Variants in FAM81A observed in about 807,000 individuals in gnomAD.
FAM81A encodes the protein family with sequence similarity 81 member A.
FAM81A carries 19 observed loss-of-function variants against 46.7 expected under a neutral mutation model. The observed-to-expected ratio is 0.41, with a 90% CI of 0.28 to 0.60. The LOEUF (loss-of-function observed/expected upper bound fraction) is 0.60, where lower values mean the gene tolerates loss of function less well. FAM81A is among the 20% of genes least tolerant of loss of function. FAM81A has a pLI of 0.34. For missense variants in FAM81A, 377 were observed against 453.5 expected, an observed-to-expected ratio of 0.83 and a Z score of 1.53; for synonymous variants, 183 against 152.9, an observed-to-expected ratio of 1.20 and a Z score of -1.45.
In FAM81A at chr15:59,407,218, C is replaced by A; in HGVS notation, c.-78+4860C>A. 4 of 153,450 alleles carry A rather than the reference C, an allele frequency of 2.6e-5. No individual in the cohort carries two copies. In the South Asian group the frequency reaches 5.6e-4, roughly 21 times the overall value. The allele number at this position is 153,450 out of a possible 1,614,324, so 9.5% of individuals were successfully genotyped here. On this transcript the variant is annotated intron_variant, in intron 2 of 4. Coordinates refer to the FAM81A transcript ENST00000558348. ...CTTACCTTCCCCTTGATAATGCAGT[C>A]AGTGACCTTTATTTTACAACACAGA...
chr15:59,430,794 T>C (rs1286119343), intron 2 of FAM81A, among the ~76,000 whole-genome samples: 2 of 152,182 alleles, frequency 1.3e-5, no homozygotes, highest in African/African-American at 4.8e-5. Context: ...AGAGATGGTT[T>C]GAGTGTGGCT....
chr15:59,514,360 A>G lies in FAM81A; in HGVS notation c.722A>G (p.Glu241Gly), dbSNP rs2082245249. 1 of 1,613,886 alleles carries G rather than the reference A, an allele frequency of 6.2e-7. No homozygotes were observed. The highest frequency in any genetic ancestry group is 8.5e-7 in the Non-Finnish European group (1 of 1,179,832). ...CGGAGTTGGTTGCAACAGGAACAAGAACGGATAGAAAAAGAGCTTTTACAG... is the reference window on the plus strand; with the variant it reads ...CGGAGTTGGTTGCAACAGGAACAAGGACGGATAGAAAAAGAGCTTTTACAG... ...SARSWLQQEQERIEKELLQKI... is the reference protein window; with the variant it reads ...SARSWLQQEQGRIEKELLQKI... Residue 241 changes from glutamate (E) to glycine (G), a missense_variant, in exon 7 of 9, where the codon GAA becomes GGA. Transcript: ENST00000288228.
intron 3 of FAM81A, among the ~76,000 whole-genome samples, chr15:59,488,130 C>G (rs190176966): frequency 4.3e-4 from 65 of 152,236 alleles, no homozygotes; most frequent in African/African-American, 1.5e-3. Context: ...GCAAATCAAT[C>G]AGTGTGATAC....
At chr15:59,404,202 A>C (rs566389537) in intron 2 of FAM81A, among the ~76,000 whole-genome samples, 1 of 151,770 alleles carries the variant, frequency 6.6e-6, no homozygotes, top group Non-Finnish European at 1.5e-5. Flanking sequence ...CTAAAGGTAA[A>C]CCTCTACAAA....
At chr15:59,401,419 T>C in intron 1 of FAM81A, 1 of 802,196 alleles carries the variant, frequency 1.2e-6, no homozygotes, top group South Asian at 1.3e-5. Flanking sequence ...CAAATATTGG[T>C]AGGCAAAAGG....
chr15:59,450,106 T>TTC (rs2081401237), intron 1 of FAM81A, among the ~76,000 whole-genome samples: 1 of 146,816 alleles, frequency 6.8e-6, no homozygotes, highest in Admixed American at 6.7e-5. Context: ...TTTCTTTCTT[T>TTC]TTTTTTTTTT....
chr15:59,406,686 G>T (rs770258403), intron 2 of FAM81A, among the ~76,000 whole-genome samples: 1 of 152,042 alleles, frequency 6.6e-6, no homozygotes, highest in Non-Finnish European at 1.5e-5. Context: ...CTAGGCAACC[G>T]CTGATCTACT....
chr15:59,430,968 A>G (rs2141564261), intron 2 of FAM81A, among the ~76,000 whole-genome samples: 2 of 152,286 alleles, frequency 1.3e-5, no homozygotes, highest in African/African-American at 4.8e-5. Context: ...GTCTTGGGGG[A>G]CATTAGTAAA....
intron 4 of FAM81A, among the ~76,000 whole-genome samples, chr15:59,503,808 A>G (rs888144686): frequency 1.3e-5 from 2 of 152,130 alleles, no homozygotes; most frequent in Non-Finnish European, 2.9e-5. Context: ...CCTGGCCTCA[A>G]GTGATCCACC....
chr15:59,476,334 T>A (rs2081767758), intron 3 of FAM81A, among the ~76,000 whole-genome samples: 1 of 152,042 alleles, frequency 6.6e-6, no homozygotes, highest in Non-Finnish European at 1.5e-5. Context: ...GTAATCCTCC[T>A]GCCTTGGTCT....
At chr15:59,405,231 G>C (rs1044127638) in intron 2 of FAM81A, among the ~76,000 whole-genome samples, 1 of 152,108 alleles carries the variant, frequency 6.6e-6, no homozygotes, top group Non-Finnish European at 1.5e-5. Flanking sequence ...ACAATATAAG[G>C]TCTGTGAGAG....
intron 2 of FAM81A, among the ~76,000 whole-genome samples, chr15:59,424,257 C>A (rs1235695865): frequency 6.6e-6 from 1 of 152,202 alleles, no homozygotes; most frequent in Non-Finnish European, 1.5e-5. Flanking sequence ...CCACACTCTC[C>A]TGGTTTTCTT....
intron 1 of FAM81A, 36 bp from the exon 2 acceptor site, chr15:59,458,514 A>G (rs2081510936): frequency 6.7e-7 from 1 of 1,487,924 alleles, no homozygotes; most frequent in African/African-American, 1.4e-5. Flanking sequence ...TCTAGATATA[A>G]ACTGTTAAAT....
At chr15:59,519,895 G>T (rs1160889413) in intron 8 of FAM81A, among the ~76,000 whole-genome samples, 1 of 152,030 alleles carries the variant, frequency 6.6e-6, no homozygotes, top group Non-Finnish European at 1.5e-5. Flanking sequence ...TCTTTATGAG[G>T]CAGTAATTTA....
At chr15:59,485,687 A>G (rs1205901776) in intron 3 of FAM81A, among the ~76,000 whole-genome samples, 15 of 152,228 alleles carry the variant, frequency 9.9e-5, no homozygotes, top group Admixed American at 4.6e-4. Context: ...ACTAACATCC[A>G]CAAGCATCAA....
intron 1 of FAM81A, among the ~76,000 whole-genome samples, chr15:59,442,429 A>G (rs931449379): frequency 1.3e-5 from 2 of 152,052 alleles, no homozygotes; most frequent in Non-Finnish European, 2.9e-5. Flanking sequence ...CCTGGCTAAC[A>G]TATAGTGAAA....
At chr15:59,447,194 A>G (rs1170218688) in intron 1 of FAM81A, among the ~76,000 whole-genome samples, 10 of 152,326 alleles carry the variant, frequency 6.6e-5, no homozygotes, top group African/African-American at 2.2e-4. Flanking sequence ...CCTCTCCAAG[A>G]TGGTTGTAGG....
chr15:59,448,018 G>A (rs1324085473), intron 1 of FAM81A, among the ~76,000 whole-genome samples: 1 of 152,178 alleles, frequency 6.6e-6, no homozygotes, highest in Non-Finnish European at 1.5e-5. Context: ...AAAGGGAAGA[G>A]GGAGGAGCAA....
At chr15:59,436,153 C>T (rs1284088873), upstream of FAM81A, among the ~76,000 whole-genome samples, 1 of 152,134 alleles carries the variant, frequency 6.6e-6, no homozygotes, top group East Asian at 1.9e-4. Flanking sequence ...GAAAGTCAGC[C>T]TAAATAGAAG....
Sources: allele counts gnomAD v4.1 joint callset (sites outside exome capture counted in the v4.1 genomes callset), GRCh38; gene constraint gnomAD v4.1.1; transcripts MANE v1.5; gene names NCBI Gene and HGNC (gene_info 2026-07-23, HGNC 2026-07-21).